Variants in ZFHX3 observed in about 807,000 individuals in gnomAD.
The protein encoded by ZFHX3 is zinc finger homeobox 3, also known as zinc finger homeobox protein 3.
Under a neutral mutation model 279.1 loss-of-function variants are expected in ZFHX3, and 42 were observed. That is an observed-to-expected ratio of 0.15 (90% confidence interval 0.12 to 0.19). The LOEUF (loss-of-function observed/expected upper bound fraction) is 0.19, where lower values mean the gene tolerates loss of function less well. Ranked by LOEUF, ZFHX3 falls within the 10% of genes least tolerant of loss-of-function variation. ZFHX3 has a pLI of 1.00. For synonymous variants in ZFHX3, 2,293 were observed against 1,957.8 expected, an observed-to-expected ratio of 1.17 and a Z score of -4.52; for missense variants, 4,981 against 4,754.0, an observed-to-expected ratio of 1.05 and a Z score of -1.40.
chr16:73,355,783 C>T (rs779233968), intron 3 of ZFHX3, among the ~76,000 whole-genome samples: 1 of 152,192 alleles, frequency 6.6e-6, no homozygotes, highest in Non-Finnish European at 1.5e-5. Flanking sequence ...ATAACGCCTA[C>T]TTTCCAGGGC....
At chr16:72,914,977 T>G (rs1224526297) in intron 3 of ZFHX3, among the ~76,000 whole-genome samples, 2 of 151,936 alleles carry the variant, frequency 1.3e-5, no homozygotes. Flanking sequence ...GGCGACAGAG[T>G]GAGACTCCAT....
At chr16:73,599,823 A>G (rs1464092763) in intron 2 of ZFHX3, among the ~76,000 whole-genome samples, 2 of 152,094 alleles carry the variant, frequency 1.3e-5, no homozygotes, top group Non-Finnish European at 2.9e-5. Context: ...CAGGGCAGAA[A>G]AAGATGAGGC....
chr16:73,647,038 G>A (rs907373129), intron 2 of ZFHX3, among the ~76,000 whole-genome samples: 5 of 56,930 alleles, frequency 8.8e-5, no homozygotes, highest in African/African-American at 2.7e-4. Flanking sequence ...TTTTTTTTTT[G>A]AGACGGAACT....
intron 4 of ZFHX3, among the ~76,000 whole-genome samples, chr16:72,839,567 A>G (rs1238732445): frequency 6.6e-6 from 1 of 152,190 alleles, no homozygotes; most frequent in Non-Finnish European, 1.5e-5. Flanking sequence ...CTACTGAGAA[A>G]GAGAGGAGGA....
chr16:73,783,562 G>C (rs749382951), intron 1 of ZFHX3, among the ~76,000 whole-genome samples: 2 of 152,162 alleles, frequency 1.3e-5, no homozygotes, highest in Non-Finnish European at 2.9e-5. Context: ...GTGACCTATA[G>C]CATGTGGGAA....
At position 73,319,336 on chromosome 16, in the gene ZFHX3, T is replaced by C. The variant is rs553534285; in HGVS notation, c.-1290-1000A>G. On this transcript the variant is annotated intron_variant, in intron 3 of 17. Transcript: ENST00000641206. ...CCTTTATCATTTTATCCTTTCAACA[T>C]CCCCACTCTCGCCACGTGGTTGGAA... is the stretch of plus-strand genomic sequence containing the variant. Among the ~76,000 whole-genome samples, 27 of 151,840 alleles carry C rather than the reference T, an allele frequency of 1.8e-4. 1 individual carries two copies. The South Asian group carries it at 2.5e-3, about 14-fold the overall frequency.
At chr16:73,153,992 C>T (rs903902982) in intron 5 of ZFHX3, among the ~76,000 whole-genome samples, 3 of 152,146 alleles carry the variant, frequency 2.0e-5, no homozygotes, top group Non-Finnish European at 4.4e-5. Context: ...GTGTGAGCCA[C>T]GGCGCCTGGC....
At chr16:73,666,132 C>A (rs2052840451) in intron 2 of ZFHX3, among the ~76,000 whole-genome samples, 2 of 151,828 alleles carry the variant, frequency 1.3e-5, no homozygotes, top group Admixed American at 6.6e-5. Context: ...TCTTCAATAA[C>A]TTTTAAGCGA....
intron 3 of ZFHX3, among the ~76,000 whole-genome samples, chr16:72,945,980 C>T (rs938331832): frequency 1.3e-5 from 2 of 152,196 alleles, no homozygotes; most frequent in Non-Finnish European, 2.9e-5. Context: ...TGTCTGACTT[C>T]ACCTACATTT....
At chr16:73,291,616 C>T (rs1435065003) in intron 4 of ZFHX3, among the ~76,000 whole-genome samples, 38 of 152,180 alleles carry the variant, frequency 2.5e-4, no homozygotes, top group Admixed American at 2.5e-3. Flanking sequence ...CTCGCCTCTC[C>T]CTCTCTGTAA....
At chr16:72,989,882 C>T (rs989000770) in intron 1 of ZFHX3, among the ~76,000 whole-genome samples, 1 of 152,178 alleles carries the variant, frequency 6.6e-6, no homozygotes, top group Non-Finnish European at 1.5e-5. Flanking sequence ...GGTGGAAATT[C>T]AGTAAAAATT....
intron 5 of ZFHX3, among the ~76,000 whole-genome samples, chr16:73,172,210 A>G (rs1967545170): frequency 6.6e-6 from 1 of 152,198 alleles, no homozygotes; most frequent in African/African-American, 2.4e-5. Flanking sequence ...AGCCTCCAAC[A>G]GCAAGTCCGG....
At chr16:72,856,763 A>C (rs961329963) in intron 4 of ZFHX3, among the ~76,000 whole-genome samples, 3 of 152,242 alleles carry the variant, frequency 2.0e-5, no homozygotes, top group Non-Finnish European at 4.4e-5. Flanking sequence ...CTTTGAAGAC[A>C]GAAGGTGGCC....
intron 3 of ZFHX3, among the ~76,000 whole-genome samples, chr16:73,355,976 C>T (rs1452623315): frequency 1.3e-5 from 2 of 152,170 alleles, no homozygotes; most frequent in Admixed American, 6.5e-5. Context: ...TTTCCTCCCC[C>T]ACATTCACGC....
chr16:72,811,872 C>G (rs1235783941), intron 6 of ZFHX3, 33 bp downstream of exon 6: 1 of 1,596,236 alleles, frequency 6.3e-7, no homozygotes, highest in East Asian at 2.3e-5. Context: ...AAACACCTCA[C>G]CTCCCCACCA....
chr16:72,968,192 C>T (rs1024229095), intron 1 of ZFHX3, among the ~76,000 whole-genome samples: 4 of 151,694 alleles, frequency 2.6e-5, no homozygotes, highest in African/African-American at 9.7e-5. Flanking sequence ...AACGCACAAC[C>T]GGAATCTAAT....
At chr16:73,121,611 C>T (rs1966500354) in intron 7 of ZFHX3, among the ~76,000 whole-genome samples, 3 of 148,728 alleles carry the variant, frequency 2.0e-5, no homozygotes, top group African/African-American at 7.6e-5. Context: ...GAACTAATTG[C>T]AGCTTTCTTT....
At chr16:73,068,121 G>A (rs1965778437) in intron 8 of ZFHX3, among the ~76,000 whole-genome samples, 1 of 152,164 alleles carries the variant, frequency 6.6e-6, no homozygotes, top group African/African-American at 2.4e-5. Context: ...TGGGAAACTG[G>A]TATTATTAGT....
intron 1 of ZFHX3, among the ~76,000 whole-genome samples, chr16:73,802,525 G>T (rs560203835): frequency 7.2e-5 from 11 of 152,334 alleles, no homozygotes; most frequent in African/African-American, 2.4e-4. Context: ...CAAGGTGTTT[G>T]GCTGGCAGGT....
Sources: allele counts gnomAD v4.1 joint callset (sites outside exome capture counted in the v4.1 genomes callset), GRCh38; gene constraint gnomAD v4.1.1; transcripts MANE v1.5; gene names NCBI Gene and HGNC (gene_info 2026-07-23, HGNC 2026-07-21).